Variants in PDE10A observed in about 807,000 individuals in gnomAD.
PDE10A encodes the protein phosphodiesterase 10A, also known as cAMP and cAMP-inhibited cGMP 3',5'-cyclic phosphodiesterase 10A.
Under a neutral mutation model 97.7 loss-of-function variants are expected in PDE10A, and 39 were observed. The observed-to-expected ratio is 0.40, with a 90% CI of 0.31 to 0.52. PDE10A has a LOEUF of 0.52. PDE10A is among the 20% of genes least tolerant of loss of function. The pLI, the probability that PDE10A is intolerant of heterozygous loss-of-function variation, is 0.56. For synonymous variants in PDE10A, 371 were observed against 376.8 expected, an observed-to-expected ratio of 0.98 and a Z score of 0.18; for missense variants, 731 against 1,047.8, an observed-to-expected ratio of 0.70 and a Z score of 4.17.
At chr6:165,502,637 G>A (rs989725635) in intron 2 of PDE10A, among the ~76,000 whole-genome samples, 1 of 152,220 alleles carries the variant, frequency 6.6e-6, no homozygotes, top group South Asian at 2.1e-4. Flanking sequence ...AACATGTGGT[G>A]TATCTGAATA....
chr6:165,958,589 GAGA>G (rs1784242808), intron 1 of PDE10A, among the ~76,000 whole-genome samples: 1 of 109,072 alleles, frequency 9.2e-6, no homozygotes, highest in Non-Finnish European at 2.0e-5. Flanking sequence ...AAGACAGAAA[GAGA>G]GAAAGAAAGA....
At chr6:165,626,517 A>T (rs1481975617) in intron 1 of PDE10A, among the ~76,000 whole-genome samples, 2 of 152,252 alleles carry the variant, frequency 1.3e-5, no homozygotes, top group East Asian at 1.9e-4. Context: ...CAAAGAGAGA[A>T]GATGTTTGGA....
At chr6:165,946,897 T>A (rs1249773652) in intron 1 of PDE10A, 1 of 152,214 alleles carries the variant, frequency 6.6e-6, no homozygotes, top group Admixed American at 6.5e-5. Context: ...TTTTTACGTA[T>A]AATTTTATAA....
rs1243932520 is a variant in PDE10A at position 165,448,831 on chromosome 6, G to A, written c.1194+97C>T. On this transcript the variant is annotated intron_variant, in intron 5 of 21. Transcript: ENST00000539869. ...AAACACAAAATGATTTAAATGAAAA[G>A]TACTTAATCATGAAATGTCGGTTGT... 8 of 747,630 alleles carry A rather than the reference G, an allele frequency of 1.1e-5. No individual in the cohort carries two copies. The Admixed American group carries it at 1.9e-4, about 18-fold the overall frequency. The allele number at this position is 747,630 out of a possible 1,614,324, so 46.3% of individuals were successfully genotyped here.
chr6:165,483,436 C>A lies in PDE10A; in HGVS notation c.995-1093G>T, dbSNP rs144027008. On this transcript the variant is annotated intron_variant, in intron 2 of 21. Transcript: ENST00000539869. ...CTCTGACTTCCCTAAGAATGTAACA[C>A]ATGTAACAATTGTCATAGGGAAAAT... Among the ~76,000 whole-genome samples, 70 of 152,274 alleles carry A rather than the reference C, an allele frequency of 4.6e-4. 1 individual carries two copies. In the East Asian group the frequency reaches 0.013, roughly 27 times the overall value.
chr6:165,499,182 C>T (rs1044009158), intron 2 of PDE10A, among the ~76,000 whole-genome samples: 2 of 152,060 alleles, frequency 1.3e-5, no homozygotes, highest in Admixed American at 1.3e-4. Flanking sequence ...CTGATCAGGC[C>T]AACAGTAGCC....
At chr6:165,694,963 G>A (rs1183422636) in intron 1 of PDE10A, among the ~76,000 whole-genome samples, 1 of 152,000 alleles carries the variant, frequency 6.6e-6, no homozygotes, top group Non-Finnish European at 1.5e-5. Flanking sequence ...CCTCTCTCCC[G>A]CCCCAGGAAT....
chr6:165,578,337 C>T (rs1785428638), intron 1 of PDE10A, among the ~76,000 whole-genome samples: 1 of 152,084 alleles, frequency 6.6e-6, no homozygotes, highest in South Asian at 2.1e-4. Flanking sequence ...ATGGTCCCTA[C>T]CCTCCCTGCA....
At chr6:165,439,892 C>T (rs1790304972) in intron 5 of PDE10A, among the ~76,000 whole-genome samples, 2 of 152,006 alleles carry the variant, frequency 1.3e-5, no homozygotes, top group South Asian at 4.2e-4. Flanking sequence ...TAGAAAAATC[C>T]AATTCATTGA....
At chr6:165,537,963 T>C (rs1198355819) in intron 2 of PDE10A, among the ~76,000 whole-genome samples, 1 of 152,002 alleles carries the variant, frequency 6.6e-6, no homozygotes, top group African/African-American at 2.4e-5. Flanking sequence ...TCCCACTTAC[T>C]AAACCTTCCA....
upstream of PDE10A, among the ~76,000 whole-genome samples, chr6:165,664,457 G>C (rs924575715): frequency 5.3e-5 from 8 of 152,174 alleles, no homozygotes; most frequent in African/African-American, 1.7e-4. Flanking sequence ...GTCCACAGAC[G>C]TCTCCGCGAT....
intron 1 of PDE10A, among the ~76,000 whole-genome samples, chr6:165,725,294 C>G (rs73030213): frequency 0.051 from 7,771 of 152,310 alleles, 340 homozygotes; most frequent in African/African-American, 0.12. Flanking sequence ...TCTAATTGAG[C>G]TATCACAAGC....
chr6:165,554,866 C>G (rs1024778192), intron 1 of PDE10A, among the ~76,000 whole-genome samples: 5 of 152,126 alleles, frequency 3.3e-5, no homozygotes, highest in Non-Finnish European at 7.4e-5. Context: ...TCTTTTGCAA[C>G]AACATGGATG....
chr6:165,969,568 A>T (rs1784611264), intron 1 of PDE10A, among the ~76,000 whole-genome samples: 1 of 152,138 alleles, frequency 6.6e-6, no homozygotes. Flanking sequence ...GCGCAAAAGT[A>T]ATTGCGGTTT....
chr6:165,746,632 A>G (rs1583029222), intron 1 of PDE10A, among the ~76,000 whole-genome samples: 1 of 152,200 alleles, frequency 6.6e-6, no homozygotes, highest in Non-Finnish European at 1.5e-5. Flanking sequence ...GTGCACGCGC[A>G]GGGAAGAGCA....
intron 1 of PDE10A, among the ~76,000 whole-genome samples, chr6:165,544,224 A>G (rs1361041019): frequency 5.3e-5 from 8 of 152,194 alleles, no homozygotes; most frequent in African/African-American, 1.9e-4. Flanking sequence ...TTTTTCTCAA[A>G]GTCATTAAAC....
chr6:165,404,842 C>T (rs189620164), intron 13 of PDE10A, among the ~76,000 whole-genome samples: 1 of 141,608 alleles, frequency 7.1e-6, no homozygotes. Context: ...AACCACAGTA[C>T]CAAAATGCAA....
At chr6:165,727,134 A>C (rs1792319183) in intron 1 of PDE10A, among the ~76,000 whole-genome samples, 1 of 152,184 alleles carries the variant, frequency 6.6e-6, no homozygotes, top group Admixed American at 6.5e-5. Context: ...TGATGACCAC[A>C]CAGGAGACCC....
At position 165,615,221 on chromosome 6, in the gene PDE10A, AAAGAAAG is replaced by A. The variant is rs1232268928; in HGVS notation, c.865+46719_865+46725del. 3.2e-3 allele frequency among the ~76,000 whole-genome samples: 379 copies of A among 119,144 alleles called. 1 individual carries two copies. Among genetic ancestry groups the A allele is most frequent in the African/African-American group, 7.4e-3 (270 of 36,356 alleles). The allele number at this position is 119,144 out of a possible 152,430, so 78.2% of individuals were successfully genotyped here. A position where few individuals can be genotyped will look rare whatever the true frequency, so the allele number is the denominator to read the frequency against. On this transcript the variant is annotated intron_variant, in intron 1 of 21. Coordinates refer to ENST00000539869, the MANE Select transcript of PDE10A (RefSeq NM_001385079.1). Reference sequence around the variant, plus strand: ...CAAGACTCCATCTCAGAAAAAAAAAAAAGAAAGAAAGAAAGAAAGAAAAGAAAAGAAA... The same window carrying A: ...CAAGACTCCATCTCAGAAAAAAAAAAAAAGAAAGAAAGAAAAGAAAAGAAA...
Sources: allele counts gnomAD v4.1 joint callset (sites outside exome capture counted in the v4.1 genomes callset), GRCh38; gene constraint gnomAD v4.1.1; transcripts MANE v1.5; gene names NCBI Gene and HGNC (gene_info 2026-07-23, HGNC 2026-07-21).